Variants in PCNX1 observed in about 807,000 individuals in gnomAD.
PCNX1 encodes pecanex-like protein 1.
A neutral mutation model predicts 242.2 loss-of-function variants in PCNX1; 78 were observed. The observed-to-expected ratio is 0.32, with a 90% CI of 0.27 to 0.39. The LOEUF (loss-of-function observed/expected upper bound fraction) is 0.39, where lower values mean the gene tolerates loss of function less well. PCNX1 is among the 10% of genes least tolerant of loss of function. PCNX1 has a pLI of 1.00. For synonymous variants in PCNX1, 1,024 were observed against 1,032.9 expected (o/e 0.99, Z 0.17); for missense variants, 2,581 against 2,856.5 (o/e 0.90, Z 2.20).
Position 71,115,152 on chromosome 14 carries a change from A to G in PCNX1, c.*5217A>G, listed in dbSNP as rs2062833272. Reference sequence around the variant, plus strand: ...CCTTTTCTGATCATGGGCTCTGGAAAGTATTCATGGCCTTTACCAGCATTC... The same window carrying G: ...CCTTTTCTGATCATGGGCTCTGGAAGGTATTCATGGCCTTTACCAGCATTC... On this transcript the variant is annotated 3_prime_UTR_variant, in exon 36 of 36. Coordinates refer to ENST00000304743, the MANE Select transcript of PCNX1 (RefSeq NM_014982.3). The G allele has an allele frequency of 6.6e-6, 1 of 152,600 alleles. No homozygotes were observed. Among genetic ancestry groups the G allele is most frequent in the Non-Finnish European group, 1.5e-5 (1 of 68,030 alleles). 9.5% of individuals were successfully genotyped at this position (152,600 alleles called of 1,614,324 possible). A position where few individuals can be genotyped will look rare whatever the true frequency, so the allele number is the denominator to read the frequency against.
At chr14:70,976,522 G>A (rs1466445238) in intron 5 of PCNX1, among the ~76,000 whole-genome samples, 1 of 151,884 alleles carries the variant, frequency 6.6e-6, no homozygotes, top group East Asian at 1.9e-4. Context: ...ACAGGCGCTC[G>A]CCACCACGCC....
Position 70,959,475 on chromosome 14 carries a change from C to T in PCNX1, c.363-2751C>T, listed in dbSNP as rs1007735034. ...GTTCCCACCTATGAGTGAGAATATG[C>T]GGTGTTTGGTTTTTTGTTCTTGCGA... is the stretch of plus-strand genomic sequence containing the variant. On this transcript the variant is annotated intron_variant, in intron 2 of 35. Transcript: ENST00000304743. 1.0e-4 allele frequency among the ~76,000 whole-genome samples: 15 copies of T among 146,688 alleles called. 1 individual carries two copies. In the Middle Eastern group the frequency reaches 0.011, roughly 104 times the overall value.
chr14:71,071,489 C>A (rs1339011296), intron 26 of PCNX1, among the ~76,000 whole-genome samples: 1 of 152,032 alleles, frequency 6.6e-6, no homozygotes, highest in Admixed American at 6.6e-5. Flanking sequence ...TAGATTTTCC[C>A]CTTGCTGTTC....
intron 24 of PCNX1, among the ~76,000 whole-genome samples, chr14:71,052,247 T>C (rs2061057360): frequency 1.3e-5 from 2 of 151,976 alleles, no homozygotes; most frequent in Non-Finnish European, 2.9e-5. Context: ...GGTCTCATTC[T>C]GTTGCCCAGG....
rs563246209 is a variant in PCNX1 at position 71,056,776 on chromosome 14, TC to T, written c.4637-732del. ...TCACTGCAACCTCCACCTCCCAAGTTCAAGCAATTCTGCCTTCTCAGCCTCC... is the reference window on the plus strand; with the variant it reads ...TCACTGCAACCTCCACCTCCCAAGTTAAGCAATTCTGCCTTCTCAGCCTCC... On this transcript the variant is annotated intron_variant, in intron 25 of 35. Coordinates refer to ENST00000304743, the MANE Select transcript of PCNX1 (RefSeq NM_014982.3). Among the ~76,000 whole-genome samples, 180 of 152,178 alleles carry T rather than the reference TC, an allele frequency of 1.2e-3. 4 individuals are homozygous for T. In the South Asian group the frequency reaches 0.021, roughly 18 times the overall value.
At chr14:70,979,189 C>T (rs17108822) in intron 6 of PCNX1, among the ~76,000 whole-genome samples, 55,629 of 151,650 alleles carry the variant, frequency 0.37, 10,468 homozygotes, top group East Asian at 0.62. Context: ...AAGTTTTAGG[C>T]GTTACGAAAA....
intron 19 of PCNX1, 130 bp downstream of exon 19, chr14:71,036,287 TC>T: frequency 1.6e-6 from 1 of 633,274 alleles, no homozygotes. Context: ...CAAGTGATCC[TC>T]CCACGTAGCT....
intron 24 of PCNX1, among the ~76,000 whole-genome samples, chr14:71,052,765 A>G (rs763598412): frequency 2.0e-4 from 31 of 152,182 alleles, no homozygotes; most frequent in Non-Finnish European, 7.3e-5. Context: ...ATCTTTGTGC[A>G]TGAAGTATTT....
At chr14:70,985,222 T>A (rs943177592) in intron 6 of PCNX1, among the ~76,000 whole-genome samples, 2 of 152,232 alleles carry the variant, frequency 1.3e-5, no homozygotes, top group Admixed American at 1.3e-4. Flanking sequence ...TTTTTAATTT[T>A]ATTTTATTTT....
Position 71,110,028 on chromosome 14 carries a change from A to T in PCNX1, c.*93A>T. Reference sequence around the variant, plus strand: ...CAAGCAGAAGATGCCTGCAGGTATCACTTTGATCCTATGTGGGAGCGACTG... The same window carrying T: ...CAAGCAGAAGATGCCTGCAGGTATCTCTTTGATCCTATGTGGGAGCGACTG... On this transcript the variant is annotated 3_prime_UTR_variant, in exon 36 of 36. Transcript: ENST00000304743. The T allele has an allele frequency of 3.5e-6, 4 of 1,128,026 alleles. No homozygotes were observed. Among genetic ancestry groups the T allele is most frequent in the Non-Finnish European group, 5.4e-6 (4 of 743,700 alleles). 69.9% of individuals were successfully genotyped at this position (1,128,026 alleles called of 1,614,324 possible).
chr14:70,969,335 A>G, intron 5 of PCNX1: 1 of 438,774 alleles, frequency 2.3e-6, no homozygotes, highest in Non-Finnish European at 4.1e-6. Context: ...ATGGAGAGAG[A>G]AATTCTATGA....
intron 7 of PCNX1, among the ~76,000 whole-genome samples, chr14:70,994,699 A>G (rs2059295619): frequency 1.3e-5 from 2 of 151,830 alleles, no homozygotes; most frequent in Admixed American, 6.6e-5. Flanking sequence ...ATTGAACATC[A>G]TGTAGAGAAT....
intron 1 of PCNX1, among the ~76,000 whole-genome samples, chr14:70,943,383 G>T (rs2057335038): frequency 6.6e-6 from 1 of 152,220 alleles, no homozygotes; most frequent in Non-Finnish European, 1.5e-5. Flanking sequence ...AGATGGACAT[G>T]AGGAACTTAT....
chr14:71,019,899 T>G (rs188369996), intron 12 of PCNX1, among the ~76,000 whole-genome samples: 1 of 152,224 alleles, frequency 6.6e-6, no homozygotes, highest in East Asian at 1.9e-4. Flanking sequence ...ACCCGTCATC[T>G]ACATTAGGTA....
intron 26 of PCNX1, among the ~76,000 whole-genome samples, chr14:71,059,351 C>T (rs367589011): frequency 1.1e-4 from 16 of 152,134 alleles, no homozygotes; most frequent in African/African-American, 3.9e-4. Context: ...ATTTGGGTAA[C>T]AAGGGATACC....
chr14:71,108,431 A>G (rs2062681816), intron 33 of PCNX1, among the ~76,000 whole-genome samples, 173 bp from the exon 34 acceptor site: 1 of 152,252 alleles, frequency 6.6e-6, no homozygotes, highest in Non-Finnish European at 1.5e-5. Context: ...AAAAGAAAAT[A>G]GATCTCAGAT....
intron 1 of PCNX1, among the ~76,000 whole-genome samples, chr14:70,926,781 A>G (rs1213371753): frequency 6.6e-6 from 1 of 152,244 alleles, no homozygotes; most frequent in Non-Finnish European, 1.5e-5. Context: ...CTTTTTACAT[A>G]TAAAGTACAG....
intron 16 of PCNX1, among the ~76,000 whole-genome samples, chr14:71,029,767 A>G (rs1018929938): frequency 6.6e-6 from 1 of 152,182 alleles, no homozygotes; most frequent in African/African-American, 2.4e-5. Context: ...ATGGCAAATG[A>G]TTAGGAATTT....
At chr14:71,079,019 G>A (rs1156318257) in intron 28 of PCNX1, among the ~76,000 whole-genome samples, 1 of 152,024 alleles carries the variant, frequency 6.6e-6, no homozygotes, top group East Asian at 1.9e-4. Flanking sequence ...ACCCCGACAG[G>A]CCCCGGTGTG....
Sources: gnomAD v4.1 joint callset for allele counts (sites outside exome capture counted in the v4.1 genomes callset) on GRCh38, gnomAD v4.1.1 for gene constraint, MANE v1.5 for transcripts, NCBI Gene and HGNC (gene_info 2026-07-23, HGNC 2026-07-21) for gene names.